The following PIBF1 variants were observed in gnomAD, a reference collection of about 807,000 sequenced individuals.
PIBF1 encodes progesterone immunomodulatory binding factor 1.
Under a neutral mutation model 112.5 loss-of-function variants are expected in PIBF1, and 90 were observed. The ratio of observed to expected loss-of-function variants is 0.80; its 90% confidence interval spans 0.67 to 0.95. The LOEUF (loss-of-function observed/expected upper bound fraction) is 0.95. PIBF1 is among the 40% of genes least tolerant of loss of function. The pLI, the probability that PIBF1 is intolerant of heterozygous loss-of-function variation, is 0.00. For missense variants in PIBF1, 915 were observed against 852.3 expected, an observed-to-expected ratio of 1.07 and a Z score of -0.92; for synonymous variants, 301 against 288.6, an observed-to-expected ratio of 1.04 and a Z score of -0.44.
chr13:73,008,281 T>G (rs2044099231), intron 17 of PIBF1, among the ~76,000 whole-genome samples: 1 of 152,250 alleles, frequency 6.6e-6, no homozygotes, highest in Non-Finnish European at 1.5e-5. Context: ...ACTGGTTATT[T>G]ACCATTTCCA....
chr13:72,902,604 G>A (rs927206181), intron 11 of PIBF1, among the ~76,000 whole-genome samples: 2 of 152,134 alleles, frequency 1.3e-5, no homozygotes, highest in African/African-American at 4.8e-5. Context: ...TAAGGAAATA[G>A]AGATACGTAT....
chr13:72,913,709 C>G (rs1280064450), intron 12 of PIBF1, among the ~76,000 whole-genome samples: 2 of 151,562 alleles, frequency 1.3e-5, no homozygotes, highest in Non-Finnish European at 2.9e-5. Context: ...GCTGCAGTGA[C>G]TGTGTTCACG....
At chr13:72,793,379 T>A (rs1043540834) in intron 3 of PIBF1, among the ~76,000 whole-genome samples, 6 of 152,174 alleles carry the variant, frequency 3.9e-5, no homozygotes, top group Non-Finnish European at 7.4e-5. Flanking sequence ...CACACTAGAT[T>A]AGTGGACCTC....
intron 14 of PIBF1, among the ~76,000 whole-genome samples, chr13:72,960,849 T>C (rs192910657): frequency 4.6e-5 from 7 of 152,220 alleles, no homozygotes; most frequent in Non-Finnish European, 1.0e-4. Flanking sequence ...AGTAAAATAA[T>C]AAGATTCCAG....
chr13:72,894,006 A>T, intron 11 of PIBF1, 57 bp downstream of exon 11: 1 of 935,274 alleles, frequency 1.1e-6, no homozygotes, highest in Non-Finnish European at 1.5e-6. Context: ...CCCTAAGTAC[A>T]AGATTTATAT....
At chr13:72,830,746 G>A (rs1000037698) in intron 8 of PIBF1, among the ~76,000 whole-genome samples, 4 of 152,050 alleles carry the variant, frequency 2.6e-5, no homozygotes, top group African/African-American at 9.7e-5. Context: ...TTTTTTTGTT[G>A]TGTGTCTGCC....
intron 15 of PIBF1, among the ~76,000 whole-genome samples, chr13:72,967,420 G>A (rs919402854): frequency 6.6e-6 from 1 of 152,162 alleles, no homozygotes; most frequent in Non-Finnish European, 1.5e-5. Context: ...ATAGCTAGCT[G>A]TAGGAGAAAA....
intron 5 of PIBF1, among the ~76,000 whole-genome samples, chr13:72,804,081 A>G (rs1345902713): frequency 6.6e-6 from 1 of 152,200 alleles, no homozygotes; most frequent in Non-Finnish European, 1.5e-5. Flanking sequence ...AGACAATAAA[A>G]ACAGAGAAAT....
chr13:72,942,795 G>C (rs2042047531), intron 14 of PIBF1, among the ~76,000 whole-genome samples: 1 of 152,154 alleles, frequency 6.6e-6, no homozygotes, highest in Non-Finnish European at 1.5e-5. Flanking sequence ...GAGGCCAGGA[G>C]TTCGAGACCT....
chr13:72,835,490 A>G lies in PIBF1; in HGVS notation c.1223+122A>G, dbSNP rs1201651459. ...TTTAATACATTAGAGAAAACTTGTC[A>G]TAAATTGAAATCTAAGTATAATGAG... On this transcript the variant is annotated intron_variant, in intron 9 of 17. Transcript: ENST00000326291. 4 of 659,102 alleles carry G rather than the reference A, an allele frequency of 6.1e-6. No individual in the cohort carries two copies. In the East Asian group the frequency reaches 1.0e-4, roughly 17 times the overall value. 40.8% of individuals were successfully genotyped at this position (659,102 alleles called of 1,614,324 possible).
Position 72,782,927 on chromosome 13 carries a change from G to A in PIBF1, c.-47-496G>A, listed in dbSNP as rs558373276. Among the ~76,000 whole-genome samples, 4 of 151,692 alleles carry A rather than the reference G, an allele frequency of 2.6e-5. No individual in the cohort carries two copies. In the South Asian group the frequency reaches 6.3e-4, roughly 24 times the overall value. On this transcript the variant is annotated intron_variant, in intron 1 of 17. Coordinates refer to ENST00000326291, the MANE Select transcript of PIBF1 (RefSeq NM_006346.4). ...GTGTGTTTGTGTTTGTGTTGGGGGG[G>A]CGGTGAAAGGAGTAACTATTCCAAG... is the stretch of plus-strand genomic sequence containing the variant.
chr13:72,854,946 A>G (rs2038346407), intron 10 of PIBF1, among the ~76,000 whole-genome samples: 2 of 152,198 alleles, frequency 1.3e-5, no homozygotes, highest in Admixed American at 1.3e-4. Context: ...TAAAAGGAAA[A>G]TAACTGATGG....
At chr13:72,917,561 A>G (rs1418636798) in intron 13 of PIBF1, among the ~76,000 whole-genome samples, 3 of 151,994 alleles carry the variant, frequency 2.0e-5, no homozygotes, top group African/African-American at 7.3e-5. Context: ...AGTGATTTGG[A>G]ATTAATGCAT....
chr13:72,917,908 T>C (rs2041156601), intron 13 of PIBF1, among the ~76,000 whole-genome samples: 1 of 152,186 alleles, frequency 6.6e-6, no homozygotes, highest in Non-Finnish European at 1.5e-5. Context: ...ATTATACCAA[T>C]TGTATGTAAG....
intron 17 of PIBF1, among the ~76,000 whole-genome samples, chr13:73,000,602 A>G (rs1305640042): frequency 1.3e-5 from 2 of 152,168 alleles, no homozygotes. Flanking sequence ...CAGATTGAAT[A>G]CATACACATT....
intron 13 of PIBF1, among the ~76,000 whole-genome samples, chr13:72,922,173 T>C (rs1241024317): frequency 6.6e-6 from 1 of 152,108 alleles, no homozygotes; most frequent in African/African-American, 2.4e-5. Flanking sequence ...AGACAGGGTC[T>C]TGCTGTGTTG....
Position 72,932,245 on chromosome 13 carries a change from G to T in PIBF1, c.1833+978G>T, listed in dbSNP as rs376753051. On this transcript the variant is annotated intron_variant, in intron 14 of 17. Coordinates refer to ENST00000326291, the MANE Select transcript of PIBF1 (RefSeq NM_006346.4). ...GAGATGTGCCACTGCACCCAGCCAA[G>T]AAGTTAATATTTTAAAAGTTTTAAA... 7.2e-5 allele frequency among the ~76,000 whole-genome samples: 11 copies of T among 152,146 alleles called. No individual in the cohort carries two copies. The East Asian group carries it at 2.1e-3, about 29-fold the overall frequency.
intron 13 of PIBF1, among the ~76,000 whole-genome samples, chr13:72,923,943 G>A (rs866818118): frequency 1.3e-4 from 20 of 152,244 alleles, no homozygotes; most frequent in Middle Eastern, 6.8e-3. Flanking sequence ...CAGCTTGGGC[G>A]ACAAGAGCGA....
intron 11 of PIBF1, among the ~76,000 whole-genome samples, chr13:72,898,588 G>A (rs2040367670): frequency 6.6e-6 from 1 of 151,768 alleles, no homozygotes; most frequent in South Asian, 2.1e-4. Flanking sequence ...TGTAATCCCA[G>A]CACTTTGGGA....
Sources: gnomAD v4.1 joint callset for allele counts (sites outside exome capture counted in the v4.1 genomes callset) on GRCh38, gnomAD v4.1.1 for gene constraint, MANE v1.5 for transcripts, NCBI Gene and HGNC (gene_info 2026-07-23, HGNC 2026-07-21) for gene names.